NEGR1: variants seen among roughly 807,000 people sequenced by gnomAD.
NEGR1 encodes neuronal growth regulator 1.
A neutral mutation model predicts 40.9 loss-of-function variants in NEGR1; 10 were observed. The observed-to-expected ratio is 0.24, with a 90% CI of 0.15 to 0.42. NEGR1 has a LOEUF of 0.42. Ranked by LOEUF, NEGR1 falls within the 10% of genes least tolerant of loss-of-function variation. The pLI is 1.00. For missense variants in NEGR1, 352 were observed against 438.9 expected (o/e 0.80, Z 1.77); for synonymous variants, 185 against 166.8 (o/e 1.11, Z -0.84).
intron 1 of NEGR1, among the ~76,000 whole-genome samples, chr1:72,086,246 C>T (rs1648217978): frequency 6.6e-6 from 1 of 152,118 alleles, no homozygotes; most frequent in South Asian, 2.1e-4. Context: ...AATTAATATG[C>T]TTTGTCAAGA....
chr1:72,073,111 T>C (rs557424278), intron 1 of NEGR1, among the ~76,000 whole-genome samples: 3 of 152,202 alleles, frequency 2.0e-5, no homozygotes, highest in African/African-American at 4.8e-5. Context: ...TGAGCAGTGA[T>C]ACAGTCCAAA....
At chr1:71,757,912 G>A (rs1269022965) in intron 3 of NEGR1, among the ~76,000 whole-genome samples, 2 of 151,982 alleles carry the variant, frequency 1.3e-5, no homozygotes, top group Non-Finnish European at 2.9e-5. Flanking sequence ...AAAAAATGAA[G>A]TATATGGTAA....
chr1:72,240,379 CAG>C (rs1040590129), intron 1 of NEGR1, among the ~76,000 whole-genome samples: 5 of 151,790 alleles, frequency 3.3e-5, no homozygotes, highest in Admixed American at 2.0e-4. Flanking sequence ...GTTCAGCTTT[CAG>C]AGTTTTGACT....
At chr1:71,821,545 C>T (rs780393927) in intron 2 of NEGR1, among the ~76,000 whole-genome samples, 8 of 151,820 alleles carry the variant, frequency 5.3e-5, no homozygotes, top group Non-Finnish European at 1.2e-4. Context: ...TGAGTGAAAC[C>T]AGAGTAGAAA....
At chr1:71,858,394 A>C (rs1190245803) in intron 2 of NEGR1, among the ~76,000 whole-genome samples, 1 of 152,096 alleles carries the variant, frequency 6.6e-6, no homozygotes, top group Non-Finnish European at 1.5e-5. Context: ...AGAGCAATGC[A>C]TTTGTGTAGC....
At chr1:71,566,369 G>A (rs962478870) in intron 6 of NEGR1, among the ~76,000 whole-genome samples, 4 of 151,862 alleles carry the variant, frequency 2.6e-5, no homozygotes, top group African/African-American at 9.7e-5. Flanking sequence ...TAAGTAAACT[G>A]AGGCACAGAG....
intron 1 of NEGR1, among the ~76,000 whole-genome samples, chr1:72,050,615 GTT>G (rs1209335202): frequency 6.6e-6 from 1 of 151,492 alleles, no homozygotes; most frequent in African/African-American, 2.4e-5. Flanking sequence ...GACAGCAGTT[GTT>G]TATTATTGGA....
intron 1 of NEGR1, among the ~76,000 whole-genome samples, chr1:71,959,033 A>G (rs1391016974): frequency 2.6e-5 from 4 of 152,024 alleles, no homozygotes; most frequent in Non-Finnish European, 4.4e-5. Context: ...TCTCCCAAAC[A>G]TAGTCATCTT....
At chr1:72,042,648 A>G (rs1373419319) in intron 1 of NEGR1, among the ~76,000 whole-genome samples, 1 of 151,992 alleles carries the variant, frequency 6.6e-6, no homozygotes, top group Non-Finnish European at 1.5e-5. Context: ...GAAATAGAGA[A>G]ACGCAAGTCA....
chr1:71,441,107 A>G (rs1646544058), intron 6 of NEGR1, among the ~76,000 whole-genome samples: 1 of 152,200 alleles, frequency 6.6e-6, no homozygotes, highest in African/African-American at 2.4e-5. Flanking sequence ...TATGTCCAAA[A>G]CAATTATCAG....
At chr1:72,199,117 T>G (rs1653104960) in intron 1 of NEGR1, among the ~76,000 whole-genome samples, 1 of 148,730 alleles carries the variant, frequency 6.7e-6, no homozygotes, top group Non-Finnish European at 1.5e-5. Flanking sequence ...CATATAGTAT[T>G]TAGTACATTG....
At chr1:71,577,711 C>T (rs1649009558) in intron 6 of NEGR1, among the ~76,000 whole-genome samples, 1 of 152,162 alleles carries the variant, frequency 6.6e-6, no homozygotes, top group South Asian at 2.1e-4. Flanking sequence ...CTAAGCTTGT[C>T]TCTTTGCTGA....
Position 71,968,171 on chromosome 1 carries a change from C to T in NEGR1, c.177-32860G>A, listed in dbSNP as rs376605789. Among the ~76,000 whole-genome samples the T allele has an allele frequency of 5.7e-4, 86 of 152,038 alleles. No individual in the cohort carries two copies. The Middle Eastern group carries it at 0.014, about 24-fold the overall frequency. ...TTCCCTTCAGAAATGTAAATCTGTACGATTATAAAAAAATGTGCAAATTGC... is the reference window on the plus strand; with the variant it reads ...TTCCCTTCAGAAATGTAAATCTGTATGATTATAAAAAAATGTGCAAATTGC... On this transcript the variant is annotated intron_variant, in intron 1 of 6. Transcript: ENST00000357731.
chr1:71,938,373 C>T (rs902681971), intron 1 of NEGR1, among the ~76,000 whole-genome samples: 2 of 147,970 alleles, frequency 1.4e-5, no homozygotes, highest in African/African-American at 5.0e-5. Context: ...CAAACATACA[C>T]ACATACACAC....
intron 6 of NEGR1, among the ~76,000 whole-genome samples, chr1:71,517,526 A>G (rs201315146): frequency 1.5e-5 from 2 of 136,312 alleles, no homozygotes; most frequent in East Asian, 2.2e-4. Context: ...AAATTCAACA[A>G]CCCTTCATGC....
At chr1:71,427,677 G>C (rs948096775) in intron 6 of NEGR1, among the ~76,000 whole-genome samples, 9 of 152,148 alleles carry the variant, frequency 5.9e-5, no homozygotes, top group African/African-American at 2.2e-4. Flanking sequence ...ATAGTAAGTA[G>C]TTAAATATTT....
chr1:71,926,647 A>C (rs915149978), intron 2 of NEGR1, among the ~76,000 whole-genome samples: 1 of 18,398 alleles, frequency 5.4e-5, no homozygotes, highest in Non-Finnish European at 9.5e-5. Context: ...GGCTATCAAT[A>C]TGATTTTTTT....
intron 1 of NEGR1, among the ~76,000 whole-genome samples, chr1:72,265,916 C>CA (rs1557605174): frequency 6.6e-6 from 1 of 150,424 alleles, no homozygotes; most frequent in East Asian, 1.9e-4. Context: ...CTCCCCTATT[C>CA]AAAAAAATAC....
intron 2 of NEGR1, among the ~76,000 whole-genome samples, chr1:71,898,338 G>T (rs532731207): frequency 6.6e-6 from 1 of 152,102 alleles, no homozygotes; most frequent in African/African-American, 2.4e-5. Context: ...TTTGCTGGCC[G>T]GGCGCGGTGG....
Sources: allele counts gnomAD v4.1 joint callset (sites outside exome capture counted in the v4.1 genomes callset), GRCh38; gene constraint gnomAD v4.1.1; transcripts MANE v1.5; gene names NCBI Gene and HGNC (gene_info 2026-07-23, HGNC 2026-07-21).